Variants in TTN observed in about 807,000 individuals in gnomAD.
TTN encodes connectin.
A neutral mutation model predicts 3,223.0 loss-of-function variants in TTN; 1,525 were observed. The observed-to-expected ratio is 0.47, with a 90% CI of 0.45 to 0.49. TTN has a LOEUF of 0.49. TTN is among the 20% of genes least tolerant of loss of function. TTN has a pLI of 0.00. For missense variants in TTN, 40,786 were observed against 43,424.0 expected, an observed-to-expected ratio of 0.94 and a Z score of 5.40; for synonymous variants, 14,094 against 15,161.0, an observed-to-expected ratio of 0.93 and a Z score of 5.17.
Position 178,581,935 on chromosome 2 carries a change from G to T in TTN, c.66434C>A (p.Ser22145Tyr). The T allele has an allele frequency of 6.2e-7, 1 of 1,613,222 alleles. No homozygotes were observed. The highest frequency in any genetic ancestry group is 8.5e-7 in the Non-Finnish European group (1 of 1,179,476). Residue 22145 changes from serine (S) to tyrosine (Y), a missense_variant, in exon 315 of 363, where the codon TCC (serine) becomes TAC (tyrosine). Transcript: ENST00000589042. ...KAGPGKPSDASKAAYARDPQY... is the reference protein window; with the variant it reads ...KAGPGKPSDAYKAAYARDPQY... ...AGGGTCCCGAGCATAAGCGGCCTTG[G>T]ATGCGTCACTGGGTTTGCCTGGTCC...
Position 178,540,205 on chromosome 2 carries a change from G to A in TTN, c.97961C>T (p.Pro32654Leu). ...QHEWTKCNTTPTKIREYTLTH... is the reference protein window; with the variant it reads ...QHEWTKCNTTLTKIREYTLTH... The stretch of plus-strand genomic sequence containing the variant: ...TAGAGTATACTCTCGAATCTTGGTT[G>A]GAGTGGTGTTACACTTGGTCCATTC... Residue 32654 changes from proline (P) to leucine (L), a missense_variant, in exon 351 of 363, where the codon CCA (proline) becomes CTA (leucine). Physicochemically the swap from Pro to Leu is moderately conservative, Grantham distance 98 (BLOSUM62 -3). Transcript: ENST00000589042. 1 of 1,613,744 alleles carries A rather than the reference G, an allele frequency of 6.2e-7. No individual in the cohort carries two copies. Among genetic ancestry groups the A allele is most frequent in the African/African-American group, 1.3e-5 (1 of 74,984 alleles).
At position 178,679,690 on chromosome 2, in the gene TTN, GATATT is replaced by G; in HGVS notation, c.33581-13_33581-9del. The G allele has an allele frequency of 6.2e-7, 1 of 1,601,984 alleles. No homozygotes were observed. Among genetic ancestry groups the G allele is most frequent in the Non-Finnish European group, 8.5e-7 (1 of 1,175,914 alleles). On this transcript the variant is annotated splice_polypyrimidine_tract_variant and intron_variant, in intron 140 of 362. Transcript: ENST00000589042. The stretch of plus-strand genomic sequence containing the variant: ...TCCTGGGTACCTCAGGCACTTTAAA[GATATT>G]ATTAAGAATGTTGGAAATTTTGCAG...
chr2:178,633,380 A>G, intron 232 of TTN, 33 bp downstream of exon 232: 3 of 1,613,104 alleles, frequency 1.9e-6, no homozygotes, highest in Admixed American at 3.3e-5. Context: ...GCAGATTCAG[A>G]TAGGGTAAAT....
In TTN at chr2:178,793,440, G is replaced by T; in HGVS notation, c.1500C>A (p.Thr500=). Residue 500 remains threonine, a synonymous_variant, in exon 9 of 363, where the codon ACC becomes ACA. Transcript: ENST00000589042. The part of the protein sequence containing the change: ...ELKSRTKEVI[T]TKQEQMHVTH... The stretch of plus-strand genomic sequence containing the variant: ...TTACGTGCATCTGCTCTTGCTTTGT[G>T]GTAATTACTTCTTTGGTTCTTGATT... 6.2e-7 allele frequency: 1 copy of T among 1,614,076 alleles called. No individual in the cohort carries two copies. The highest frequency in any genetic ancestry group is 8.5e-7 in the Non-Finnish European group (1 of 1,179,990).
chr2:178,669,955 A>G (rs957897102), intron 157 of TTN, among the ~76,000 whole-genome samples: 28 of 152,132 alleles, frequency 1.8e-4, no homozygotes, highest in African/African-American at 6.7e-4. Flanking sequence ...AGAGCTTCCA[A>G]AATGAATTAT....
chr2:178,578,765 A>C, intron 320 of TTN, 41 bp downstream of exon 320: 1 of 1,604,866 alleles, frequency 6.2e-7, no homozygotes, highest in Non-Finnish European at 8.5e-7. Flanking sequence ...CCTCCTCAAA[A>C]CCGTGTTTTG....
At position 178,584,873 on chromosome 2, in the gene TTN, T is replaced by C. The variant is rs768922798; in HGVS notation, c.64768A>G (p.Ser21590Gly). The change falls in exon 310 of 363, where the codon AGT becomes GGT. Residue 21590 changes from serine (S) to glycine (G), a missense_variant. By Grantham distance (56) the Ser-to-Gly change is moderately conservative. Transcript: ENST00000589042. ...TCCACTATATAATTGGTGATGTTAC[T>C]GCCTCCGTCCTCCAGAGGGATGTGC... ...SWHIPLEDGGSNITNYIVEKC... is the reference protein window; with the variant it reads ...SWHIPLEDGGGNITNYIVEKC... The C allele has an allele frequency of 6.2e-7, 1 of 1,613,392 alleles. No homozygotes were observed. Among genetic ancestry groups the C allele is most frequent in the South Asian group, 1.1e-5 (1 of 91,064 alleles).
chr2:178,738,349 T>A lies in TTN; in HGVS notation c.14104A>T (p.Ile4702Phe), dbSNP rs545434193. The A allele has an allele frequency of 6.2e-7, 1 of 1,612,002 alleles. No homozygotes were observed. Among genetic ancestry groups the A allele is most frequent in the African/African-American group, 1.3e-5 (1 of 75,000 alleles). Residue 4702 changes from isoleucine to phenylalanine, a missense_variant, in exon 49 of 363, where the codon ATC (isoleucine) becomes TTC (phenylalanine). Ile to Phe is a conservative substitution (Grantham distance 21, BLOSUM62 0). Transcript: ENST00000589042. Reference sequence around the variant, plus strand: ...TCCAGGGGTTCGATTTTCCTCTTGATCACTGGGGCAGCTGCAAAGGGAAGT... The same window carrying A: ...TCCAGGGGTTCGATTTTCCTCTTGAACACTGGGGCAGCTGCAAAGGGAAGT... Reference protein sequence around the residue: ...LTVVKRAAPVIKRKIEPLEVA... With the variant: ...LTVVKRAAPVFKRKIEPLEVA...
rs1553632377 is a variant in TTN at position 178,584,506 on chromosome 2, C to G, written c.65045G>C (p.Arg21682Thr). ...GGGGCTCCCTCCATCACTATCTGGTCTGTCCCAAGCAACAAAAATACAGTC... is the reference window on the plus strand; with the variant it reads ...GGGGCTCCCTCCATCACTATCTGGTGTGTCCCAAGCAACAAAAATACAGTC... ...NKDCIFVAWD[R>T]PDSDGGSPII... The change falls in exon 311 of 363, where the codon AGA becomes ACA. Residue 21682 changes from arginine to threonine, a missense_variant. Arg to Thr is a moderately conservative substitution (Grantham distance 71, BLOSUM62 -1). Transcript: ENST00000589042. 1 of 1,613,250 alleles carries G rather than the reference C, an allele frequency of 6.2e-7. No homozygotes were observed. The highest frequency in any genetic ancestry group is 1.7e-4 in the Middle Eastern group (1 of 6,050).
chr2:178,593,161 T>C lies in TTN; in HGVS notation c.59035+12A>G. The C allele has an allele frequency of 3.1e-6, 5 of 1,612,120 alleles. No individual in the cohort carries two copies. Among genetic ancestry groups the C allele is most frequent in the Non-Finnish European group, 4.2e-6 (5 of 1,179,240 alleles). On this transcript the variant is annotated intron_variant, in intron 299 of 362. Coordinates refer to ENST00000589042, the MANE Select transcript of TTN (RefSeq NM_001267550.2). ...ATAACATGAAAACTGAATAAATCCA[T>C]TAATACTATACCAATTGGATCTTTA...
At position 178,795,117 on chromosome 2, in the gene TTN, G is replaced by A. The variant is rs375448572; in HGVS notation, c.1050C>T (p.Tyr350=). 4.3e-4 allele frequency: 688 copies of A among 1,614,152 alleles called. 1 individual carries two copies. Among genetic ancestry groups the A allele is most frequent in the Non-Finnish European group, 5.4e-4 (641 of 1,180,016 alleles). Residue 350 remains tyrosine (Y), a synonymous_variant, in exon 7 of 363, where the codon TAC becomes TAT. Transcript: ENST00000589042. ...EVPPPWKQEG[Y]VASSSEAEMR... ...TCTCAGCCTCAGATGAGGAGGCCAC[G>A]TAGCCCTCTTGCTTCCAAGGGGGAG... is the stretch of plus-strand genomic sequence containing the variant.
chr2:178,527,276 A>C lies in TTN; in HGVS notation c.107712T>G (p.Ser35904=), dbSNP rs1686815458. Residue 35904 remains serine, a synonymous_variant, in exon 363 of 363, where the codon TCT becomes TCG. Coordinates refer to ENST00000589042, the MANE Select transcript of TTN (RefSeq NM_001267550.2). ...GIPPKIEALP[S]DISIDEGKVL... is the part of the protein sequence containing the mutation. ...CTTTGCCTTCATCAATGCTGATATC[A>C]GATGGAAGAGCTTCAATTTTAGGCG... The C allele has an allele frequency of 6.2e-7, 1 of 1,601,756 alleles. No individual in the cohort carries two copies. The highest frequency in any genetic ancestry group is 1.3e-5 in the African/African-American group (1 of 74,476).
chr2:178,574,253 A>G lies in TTN; in HGVS notation c.71879T>C (p.Ile23960Thr), dbSNP rs568223521. The G allele has an allele frequency of 2.5e-6, 4 of 1,612,950 alleles. No individual in the cohort carries two copies. In the African/African-American group the frequency reaches 5.3e-5, roughly 22 times the overall value. The part of the protein sequence containing the change: ...YTGGFKITSY[I>T]VEKRDLPNGR... ...ATTAGGAAGGTCTCTCTTTTCAACG[A>G]TATAACTGGTAATTTTAAAGCCCCC... The change falls in exon 326 of 363, where the codon ATC becomes ACC. Residue 23960 changes from isoleucine (I) to threonine (T), a missense_variant. Coordinates refer to ENST00000589042, the MANE Select transcript of TTN (RefSeq NM_001267550.2).
Position 178,597,875 on chromosome 2 carries a change from A to C in TTN, c.57262+33T>G, listed in dbSNP as rs768145955. On this transcript the variant is annotated intron_variant, in intron 293 of 362. Transcript: ENST00000589042. ...TTTTCCCCTTCAATCTGAAACATAA[A>C]TACTGATGGCATAAGGAAGGATTGA... 1.3e-5 allele frequency: 21 copies of C among 1,612,788 alleles called. No homozygotes were observed. In the South Asian group the frequency reaches 2.1e-4, roughly 16 times the overall value.
intron 33 of TTN, 116 bp downstream of exon 33, chr2:178,772,993 A>G: frequency 7.4e-7 from 1 of 1,352,618 alleles, no homozygotes; most frequent in South Asian, 1.3e-5. Context: ...CTTTGGGAAC[A>G]GCATAAGCAG....
intron 294 of TTN, 113 bp from the exon 295 acceptor site, chr2:178,595,922 G>T: frequency 9.8e-7 from 1 of 1,019,334 alleles, no homozygotes. Context: ...GTAAGGTTTT[G>T]TGTCTACTAA....
At position 178,636,091 on chromosome 2, in the gene TTN, A is replaced by T; in HGVS notation, c.41480T>A (p.Val13827Glu). The change falls in exon 226 of 363, where the codon GTG becomes GAG. Residue 13827 changes from valine (V) to glutamate (E), a missense_variant. Transcript: ENST00000589042. This position sits in a 1 kb window ranked among gnomAD's most constrained non-coding sequence, Gnocchi z 4.3. ...KIVVEKPGRI[V>E]PGVIGLMRAL... ...CCGCATCAAGCCAATGACGCCTGGC[A>T]CAATTCGGCCAGGTTTCTCCACCAC... 7 of 1,613,280 alleles carry T rather than the reference A, an allele frequency of 4.3e-6. No individual in the cohort carries two copies. The highest frequency in any genetic ancestry group is 5.9e-6 in the Non-Finnish European group (7 of 1,179,540).
rs1247565763 is a variant in TTN, at chr2:178,538,926, C to G, written c.98989+20G>C. 1 of 1,593,642 alleles carries G rather than the reference C, an allele frequency of 6.3e-7. No individual in the cohort carries two copies. Among genetic ancestry groups the G allele is most frequent in the Admixed American group, 1.7e-5 (1 of 58,916 alleles). ...CATGGCTTGCTTCTTTAATTTAACC[C>G]CTTCTTCTGAATTCCTTACCAAATG... is the stretch of plus-strand genomic sequence containing the variant. On this transcript the variant is annotated intron_variant, in intron 353 of 362. Transcript: ENST00000589042.
At position 178,563,997 on chromosome 2, in the gene TTN, C is replaced by G; in HGVS notation, c.82135G>C (p.Val27379Leu). 6.2e-7 allele frequency: 1 copy of G among 1,613,688 alleles called. No homozygotes were observed. The highest frequency in any genetic ancestry group is 8.5e-7 in the Non-Finnish European group (1 of 1,179,726). ...CATTTTTCCGCAGTAACTCCAGTAA[C>G]TTTCAGAGGCCCTTCAGGAGGCCCT... ...RPGPPEGPLK[V>L]TGVTAEKCYL... The change falls in exon 326 of 363, where the codon GTT becomes CTT. Residue 27379 changes from valine to leucine, a missense_variant. Physicochemically the swap from Val to Leu is conservative, Grantham distance 32 (BLOSUM62 1). Coordinates refer to ENST00000589042, the MANE Select transcript of TTN (RefSeq NM_001267550.2). This position sits in a 1 kb window ranked among gnomAD's most constrained non-coding sequence, Gnocchi z 4.5.
Sources: allele counts gnomAD v4.1 joint callset (sites outside exome capture counted in the v4.1 genomes callset), GRCh38; gene constraint gnomAD v4.1.1; non-coding constraint Gnocchi (gnomAD v3.1); transcripts MANE v1.5; gene names NCBI Gene and HGNC (gene_info 2026-07-23, HGNC 2026-07-21).